CTNNA2: variants seen among roughly 807,000 people sequenced by gnomAD.
CTNNA2 encodes the protein catenin alpha-2.
A neutral mutation model predicts 101.0 loss-of-function variants in CTNNA2; 42 were observed. The ratio of observed to expected loss-of-function variants is 0.42; its 90% CI spans 0.32 to 0.54. The LOEUF (loss-of-function observed/expected upper bound fraction) is 0.54. CTNNA2 is among the 20% of genes least tolerant of loss of function. CTNNA2 has a pLI of 0.14. For synonymous variants in CTNNA2, 450 were observed against 456.4 expected (o/e 0.99, Z 0.18); for missense variants, 871 against 1,223.1 (o/e 0.71, Z 4.29).
intron 7 of CTNNA2, among the ~76,000 whole-genome samples, chr2:79,927,004 A>G (rs997267929): frequency 6.6e-6 from 1 of 152,156 alleles, no homozygotes; most frequent in Non-Finnish European, 1.5e-5. Flanking sequence ...GGTGTACAGC[A>G]ATAAGAGAAA....
chr2:79,568,851 G>A (rs1485365520), intron 1 of CTNNA2, among the ~76,000 whole-genome samples: 2 of 71,230 alleles, frequency 2.8e-5, no homozygotes, highest in African/African-American at 1.3e-4. Flanking sequence ...GCAACATTCT[G>A]TTTCTACAAA....
intron 7 of CTNNA2, among the ~76,000 whole-genome samples, chr2:80,176,077 G>A (rs1036692072): frequency 2.0e-5 from 3 of 152,130 alleles, no homozygotes; most frequent in African/African-American, 7.2e-5. Flanking sequence ...CACCTTCACA[G>A]ATACATCCAG....
In CTNNA2 at chr2:80,563,016, A is replaced by C. The variant is rs955378713; in HGVS notation, c.1741+7123A>C. 1.9e-4 allele frequency among the ~76,000 whole-genome samples: 17 copies of C among 91,282 alleles called. No individual in the cohort carries two copies. In the East Asian group the frequency reaches 4.3e-3, roughly 23 times the overall value. The allele number at this position is 91,282 out of a possible 152,430, so 59.9% of individuals were successfully genotyped here. A position where few individuals can be genotyped will look rare whatever the true frequency, so the allele number is the denominator to read the frequency against. The stretch of plus-strand genomic sequence containing the variant: ...GGGGTGACACAGCAGAACAAACAGC[A>C]CTTCTCTAGTGCCTGTTTGTCAAAG... On this transcript the variant is annotated intron_variant, in intron 12 of 18. Transcript: ENST00000402739.
rs75659941 is a variant in CTNNA2, at chr2:80,267,626, C to T, written c.1057-125585C>T. Among the ~76,000 whole-genome samples the T allele has an allele frequency of 3.4e-3, 517 of 152,262 alleles. 3 individuals are homozygous for T. Among genetic ancestry groups the T allele is most frequent in the African/African-American group, 0.012 (489 of 41,550 alleles). ...AATACAAGCTGGGAAGGAGACGATT[C>T]GCTCTAAATGAGAACATAAAAAAAG... On this transcript the variant is annotated intron_variant, in intron 7 of 18. Transcript: ENST00000402739.
At chr2:79,296,795 G>A (rs1675989961) in intron 2 of CTNNA2, among the ~76,000 whole-genome samples, 1 of 152,020 alleles carries the variant, frequency 6.6e-6, no homozygotes, top group Non-Finnish European at 1.5e-5. Flanking sequence ...CTCTGCTTGG[G>A]GAAGCTTGCA....
chr2:80,281,456 A>G (rs1386733926), intron 7 of CTNNA2, among the ~76,000 whole-genome samples: 1 of 152,116 alleles, frequency 6.6e-6, no homozygotes, highest in Non-Finnish European at 1.5e-5. Context: ...TTAAGAAGTT[A>G]TTTTCTAAAG....
chr2:79,679,835 GTCCTCCT>G (rs1266359067), intron 2 of CTNNA2, among the ~76,000 whole-genome samples: 1 of 152,030 alleles, frequency 6.6e-6, no homozygotes, highest in African/African-American at 2.4e-5. Context: ...GTGAAGAGAA[GTCCTCCT>G]GCGTCTTCTC....
intron 2 of CTNNA2, among the ~76,000 whole-genome samples, chr2:79,290,884 G>A (rs1675786621): frequency 6.6e-6 from 1 of 152,208 alleles, no homozygotes; most frequent in Non-Finnish European, 1.5e-5. Context: ...CTCTGTCCTT[G>A]TGATAAGGCA....
chr2:80,203,430 G>A (rs894967560), intron 7 of CTNNA2, among the ~76,000 whole-genome samples: 20 of 152,336 alleles, frequency 1.3e-4, no homozygotes, highest in Non-Finnish European at 2.8e-4. Flanking sequence ...AATTCCAAAT[G>A]GGAGAAATTG....
At chr2:79,858,702 C>T (rs757429707) in intron 4 of CTNNA2, among the ~76,000 whole-genome samples, 2 of 152,102 alleles carry the variant, frequency 1.3e-5, no homozygotes, top group African/African-American at 2.4e-5. Context: ...CCACAATTCC[C>T]GTGGCTAAAG....
At position 79,896,286 on chromosome 2, in the gene CTNNA2, A is replaced by G. The variant is rs546960920; in HGVS notation, c.853-13308A>G. Among the ~76,000 whole-genome samples, 5 of 148,458 alleles carry G rather than the reference A, an allele frequency of 3.4e-5. No individual in the cohort carries two copies. In the East Asian group the frequency reaches 9.8e-4, roughly 29 times the overall value. On this transcript the variant is annotated intron_variant, in intron 6 of 18. Transcript: ENST00000402739. The stretch of plus-strand genomic sequence containing the variant: ...CAACAGAGTATGAGACCCTGTCTCA[A>G]AAAAAAAAAAGGAGAACTAACGTTT...
At chr2:79,424,690 A>G (rs1678574695) in intron 4 of CTNNA2, among the ~76,000 whole-genome samples, 1 of 152,082 alleles carries the variant, frequency 6.6e-6, no homozygotes, top group Non-Finnish European at 1.5e-5. Flanking sequence ...AACCCTAGAT[A>G]CTCAGCTCTA....
chr2:80,491,435 T>C (rs1242331290), intron 9 of CTNNA2, among the ~76,000 whole-genome samples: 1 of 152,220 alleles, frequency 6.6e-6, no homozygotes, highest in East Asian at 1.9e-4. Flanking sequence ...AGACTAGTTA[T>C]TGAGTTGAAT....
At chr2:80,048,278 G>C (rs1696656825) in intron 7 of CTNNA2, among the ~76,000 whole-genome samples, 1 of 152,152 alleles carries the variant, frequency 6.6e-6, no homozygotes, top group African/African-American at 2.4e-5. Flanking sequence ...ATTTAATTGA[G>C]AGACATGTAT....
At chr2:80,203,163 G>A (rs1264633358) in intron 7 of CTNNA2, among the ~76,000 whole-genome samples, 1 of 152,170 alleles carries the variant, frequency 6.6e-6, no homozygotes, top group African/African-American at 2.4e-5. Context: ...GATGAGATTT[G>A]GGTGGGGACA....
chr2:79,376,497 T>A lies in CTNNA2; in HGVS notation c.-135+2484T>A, dbSNP rs576795594. ...TTTTGAAATTTTTCTAATTTTTTTTTATTATACTTTAAGTTTTAGGGTACA... is the reference window on the plus strand; with the variant it reads ...TTTTGAAATTTTTCTAATTTTTTTTAATTATACTTTAAGTTTTAGGGTACA... On this transcript the variant is annotated intron_variant, in intron 4 of 21. Transcript: ENST00000466387. 5.9e-5 allele frequency among the ~76,000 whole-genome samples: 9 copies of A among 152,246 alleles called. No homozygotes were observed. The South Asian group carries it at 1.0e-3, about 18-fold the overall frequency.
intron 3 of CTNNA2, among the ~76,000 whole-genome samples, chr2:79,845,192 TG>T (rs1445623646): frequency 0.014 from 1,004 of 73,464 alleles, 11 homozygotes; most frequent in African/African-American, 0.043. Flanking sequence ...TTTTTTTTTT[TG>T]AATTTCTAAA....
intron 6 of CTNNA2, among the ~76,000 whole-genome samples, chr2:79,878,767 C>T (rs931246835): frequency 7.9e-5 from 12 of 152,120 alleles, no homozygotes; most frequent in Middle Eastern, 3.4e-3. Context: ...TCTCCCATTC[C>T]GTAGATTGCC....
chr2:79,655,126 A>C (rs1681520777), intron 2 of CTNNA2, among the ~76,000 whole-genome samples: 1 of 152,212 alleles, frequency 6.6e-6, no homozygotes, highest in Admixed American at 6.5e-5. Flanking sequence ...AGACTGGCTT[A>C]GGAGATATGT....
Sources: gnomAD v4.1 joint callset for allele counts (sites outside exome capture counted in the v4.1 genomes callset) on GRCh38, gnomAD v4.1.1 for gene constraint, MANE v1.5 for transcripts, NCBI Gene and HGNC (gene_info 2026-07-23, HGNC 2026-07-21) for gene names.